Variants in TM9SF2 observed in about 807,000 individuals in gnomAD.
TM9SF2 encodes 76 kDa membrane protein.
A neutral mutation model predicts 84.9 loss-of-function variants in TM9SF2; 13 were observed. The ratio of observed to expected loss-of-function variants is 0.15; its 90% CI spans 0.10 to 0.24. The LOEUF (loss-of-function observed/expected upper bound fraction) is 0.24. Ranked by LOEUF, TM9SF2 falls within the 10% of genes least tolerant of loss-of-function variation. The pLI is 1.00. For synonymous variants in TM9SF2, 273 were observed against 285.8 expected (o/e 0.96, Z 0.45); for missense variants, 562 against 818.5 (o/e 0.69, Z 3.82).
At chr13:99,550,093 G>A (rs980006238) in intron 12 of TM9SF2, among the ~76,000 whole-genome samples, 1 of 152,074 alleles carries the variant, frequency 6.6e-6, no homozygotes, top group African/African-American at 2.4e-5. Flanking sequence ...CAGAATCTCC[G>A]AATCTTGCTT....
chr13:99,509,866 T>C (rs954203604), intron 1 of TM9SF2, among the ~76,000 whole-genome samples: 5 of 152,248 alleles, frequency 3.3e-5, no homozygotes, highest in African/African-American at 9.6e-5. Flanking sequence ...TTTTTTTTTC[T>C]TTGCCACATG....
intron 12 of TM9SF2, among the ~76,000 whole-genome samples, chr13:99,549,657 A>G (rs556674113): frequency 3.3e-5 from 5 of 152,220 alleles, no homozygotes; most frequent in Admixed American, 1.3e-4. Flanking sequence ...AAAATAAAAA[A>G]TAAGCAGCCA....
intron 11 of TM9SF2, among the ~76,000 whole-genome samples, 190 bp downstream of exon 11, chr13:99,547,294 G>C (rs572314445): frequency 6.6e-6 from 1 of 152,130 alleles, no homozygotes; most frequent in Non-Finnish European, 1.5e-5. Context: ...TTATTTGTTC[G>C]AAAATGTTTA....
rs1037040497 is a variant in TM9SF2, at chr13:99,538,486, A to AT, written c.716+635dup. ...AAGATGGCAGTTAAACTTCATCAGT[A>AT]TTTTTTTTTTTTAAATAAGATTATT... On this transcript the variant is annotated intron_variant, in intron 6 of 16. Transcript: ENST00000376387. Among the ~76,000 whole-genome samples the AT allele has an allele frequency of 2.7e-3, 389 of 146,780 alleles. 1 individual carries two copies. Among genetic ancestry groups the AT allele is most frequent in the Non-Finnish European group, 3.9e-3 (260 of 66,354 alleles).
intron 14 of TM9SF2, 102 bp from the exon 15 acceptor site, chr13:99,555,433 GA>G: frequency 1.1e-6 from 1 of 913,350 alleles, no homozygotes; most frequent in South Asian, 1.7e-5. Flanking sequence ...TTAGTTGAGA[GA>G]AAAAGCAAAC....
At chr13:99,535,708 A>G (rs974529913) in intron 4 of TM9SF2, among the ~76,000 whole-genome samples, 2 of 152,210 alleles carry the variant, frequency 1.3e-5, no homozygotes, top group African/African-American at 2.4e-5. Flanking sequence ...TAAGGCACAC[A>G]TTAATTAACA....
intron 4 of TM9SF2, among the ~76,000 whole-genome samples, chr13:99,532,702 A>G (rs1418983639): frequency 6.6e-6 from 1 of 152,192 alleles, no homozygotes; most frequent in African/African-American, 2.4e-5. Context: ...GATATTTTTA[A>G]CTAATTTATG....
intron 12 of TM9SF2, among the ~76,000 whole-genome samples, chr13:99,551,691 A>C (rs2046306021): frequency 6.6e-6 from 1 of 152,196 alleles, no homozygotes; most frequent in Non-Finnish European, 1.5e-5. Flanking sequence ...GTTTGGGTTC[A>C]AAAAAAGCCA....
At chr13:99,549,815 G>C (rs1379375012) in intron 12 of TM9SF2, among the ~76,000 whole-genome samples, 2 of 152,140 alleles carry the variant, frequency 1.3e-5, no homozygotes, top group African/African-American at 4.8e-5. Flanking sequence ...ACGTGAACAG[G>C]CTACAGCAAT....
At chr13:99,503,302 G>A (rs1435702231) in intron 1 of TM9SF2, among the ~76,000 whole-genome samples, 1 of 152,180 alleles carries the variant, frequency 6.6e-6, no homozygotes, top group Non-Finnish European at 1.5e-5. Context: ...AGGGACATAA[G>A]CTTATGAACA....
intron 4 of TM9SF2, among the ~76,000 whole-genome samples, chr13:99,532,686 C>T (rs1461228067): frequency 6.6e-6 from 1 of 152,116 alleles, no homozygotes. Context: ...CAGGAAAGTA[C>T]TTAGAGATAT....
At chr13:99,537,606 A>G (rs1475701276) in intron 5 of TM9SF2, 133 bp from the exon 6 acceptor site, 2 of 692,040 alleles carry the variant, frequency 2.9e-6, no homozygotes, top group African/African-American at 3.7e-5. Flanking sequence ...AAATTGAAAC[A>G]TGTTAATGTG....
intron 12 of TM9SF2, 65 bp downstream of exon 12, chr13:99,549,287 C>A: frequency 2.2e-6 from 3 of 1,339,416 alleles, no homozygotes; most frequent in South Asian, 2.4e-5. Context: ...AATTTTCAGT[C>A]GTTGAGTCTT....
intron 2 of TM9SF2, among the ~76,000 whole-genome samples, chr13:99,518,731 G>A (rs1461396898): frequency 6.6e-6 from 1 of 151,600 alleles, no homozygotes; most frequent in Non-Finnish European, 1.5e-5. Flanking sequence ...TGAATAGCTG[G>A]GACTACAGGC....
intron 4 of TM9SF2, among the ~76,000 whole-genome samples, chr13:99,531,996 G>A (rs1183186271): frequency 6.6e-6 from 1 of 151,606 alleles, no homozygotes; most frequent in Non-Finnish European, 1.5e-5. Flanking sequence ...TACTGCAATA[G>A]CTATCAGTTT....
chr13:99,526,979 GA>G (rs988372985), intron 3 of TM9SF2, among the ~76,000 whole-genome samples: 3 of 152,190 alleles, frequency 2.0e-5, no homozygotes, highest in African/African-American at 7.2e-5. Flanking sequence ...AGACTCCAGT[GA>G]GGCAGCATCC....
intron 1 of TM9SF2, among the ~76,000 whole-genome samples, chr13:99,516,259 C>T (rs1425550109): frequency 6.6e-6 from 1 of 152,140 alleles, no homozygotes; most frequent in African/African-American, 2.4e-5. Context: ...TTTGATTGTA[C>T]ACCAACCGTC....
intron 1 of TM9SF2, among the ~76,000 whole-genome samples, chr13:99,502,188 T>C (rs996964299): frequency 2.6e-5 from 4 of 152,206 alleles, no homozygotes; most frequent in African/African-American, 9.7e-5. Context: ...ACCGACTCCC[T>C]ACATGTGAGC....
At chr13:99,550,032 C>T (rs1594060244) in intron 12 of TM9SF2, among the ~76,000 whole-genome samples, 1 of 152,050 alleles carries the variant, frequency 6.6e-6, no homozygotes, top group African/African-American at 2.4e-5. Context: ...GTTTTCTTTC[C>T]CTCTGTCAAC....
Sources: gnomAD v4.1 joint callset for allele counts (sites outside exome capture counted in the v4.1 genomes callset) on GRCh38, gnomAD v4.1.1 for gene constraint, MANE v1.5 for transcripts, NCBI Gene and HGNC (gene_info 2026-07-23, HGNC 2026-07-21) for gene names.